The following TRIM31 variants were observed in gnomAD, a reference collection of about 807,000 sequenced individuals.
TRIM31 encodes tripartite motif containing 31.
A neutral mutation model predicts 40.6 loss-of-function variants in TRIM31; 31 were observed. The ratio of observed to expected loss-of-function variants is 0.76; its 90% confidence interval spans 0.57 to 1.03. TRIM31 has a LOEUF of 1.03. TRIM31 is among the 50% of genes least tolerant of loss of function. The probability of loss-of-function intolerance (pLI) is 0.00; values close to 1 mark genes in which losing one functional copy is unlikely to be tolerated. For missense variants in TRIM31, 455 were observed against 497.5 expected, an observed-to-expected ratio of 0.91 and a Z score of 0.81; for synonymous variants, 164 against 193.9, an observed-to-expected ratio of 0.85 and a Z score of 1.28.
rs1392923954 is a variant in TRIM31, at chr6:30,110,604, C to A, written c.588G>T (p.Lys196Asn). The A allele has an allele frequency of 1.2e-6, 2 of 1,614,234 alleles. No individual in the cohort carries two copies. The highest frequency in any genetic ancestry group is 2.2e-5 in the South Asian group (2 of 91,090). The change falls in exon 4 of 9, where the codon AAG becomes AAT. Residue 196 changes from lysine (K) to asparagine (N), a missense_variant. Lys to Asn is a moderately conservative substitution (Grantham distance 94). Coordinates refer to ENST00000376734, the MANE Select transcript of TRIM31 (RefSeq NM_007028.5). ...AGTAAATCCGTGATAGCAGGAAATT[C>A]TTCTCCTCCTCTAGGACTTGATGCA... ...ELLHQVLEEE[K>N]NFLLSRIYWL...
At chr6:30,112,210 G>A (rs976195914) in intron 2 of TRIM31, 179 bp downstream of exon 2, 1 of 649,552 alleles carries the variant, frequency 1.5e-6, no homozygotes, top group African/African-American at 1.8e-5. Flanking sequence ...GATTTAGAGA[G>A]TCAGCAGTTC....
chr6:30,107,780 T>C (rs1018335600), intron 6 of TRIM31: 5 of 365,480 alleles, frequency 1.4e-5, no homozygotes, highest in African/African-American at 1.0e-4. Flanking sequence ...GCCACTGCTC[T>C]AGGCCAGGTG....
intron 5 of TRIM31, chr6:30,108,711 G>A (rs891075077): frequency 5.8e-6 from 3 of 517,938 alleles, no homozygotes; most frequent in African/African-American, 5.7e-5. Context: ...CAGAGAGGAG[G>A]GAAAAAAACA....
chr6:30,112,403 C>A lies in TRIM31; in HGVS notation c.403G>T (p.Ala135Ser). ...CAAATGCCTACCTGATAATTCTGGG[C>A]AGCTTCTTCGATCAAGCTGACATTA... ...SHNVSLIEEA[A>S]QNYQGQIQEQ... is the part of the protein sequence containing the mutation. Residue 135 changes from alanine to serine, a missense_variant, in exon 2 of 9, where the codon GCC becomes TCC. Coordinates refer to ENST00000376734, the MANE Select transcript of TRIM31 (RefSeq NM_007028.5). The A allele has an allele frequency of 6.2e-7, 1 of 1,610,702 alleles. No individual in the cohort carries two copies. Among genetic ancestry groups the A allele is most frequent in the Non-Finnish European group, 8.5e-7 (1 of 1,178,898 alleles).
intron 5 of TRIM31, chr6:30,108,712 G>GA (rs1159682998): frequency 7.7e-6 from 4 of 519,644 alleles, no homozygotes; most frequent in African/African-American, 3.8e-5. Flanking sequence ...AGAGAGGAGG[G>GA]AAAAAAACAG....
chr6:30,108,085 T>A lies in TRIM31; in HGVS notation c.851A>T (p.Asp284Val), dbSNP rs750263089. 6.2e-7 allele frequency: 1 copy of A among 1,609,466 alleles called. No homozygotes were observed. The highest frequency in any genetic ancestry group is 1.1e-5 in the South Asian group (1 of 90,994). Residue 284 changes from aspartate to valine, a missense_variant, in exon 6 of 9, where the codon GAC becomes GTC. Coordinates refer to ENST00000376734, the MANE Select transcript of TRIM31 (RefSeq NM_007028.5). ...TTTTTTTAGGCTCCCTGTGATGGAG[T>A]CATGTCTTGATTTTGCTTCACTGAG... ...KKLSEAKSRH[D>V]SITGSLKKFK...
chr6:30,104,240 C>G, intron 7 of TRIM31, 73 bp from the exon 8 acceptor site: 1 of 1,447,388 alleles, frequency 6.9e-7, no homozygotes, highest in Non-Finnish European at 9.7e-7. Flanking sequence ...AAAACAAGCA[C>G]CCTGCCATCA....
Position 30,103,555 on chromosome 6 carries a change from C to G in TRIM31, c.1259G>C (p.Cys420Ser). 6.2e-7 allele frequency: 1 copy of G among 1,612,776 alleles called. No homozygotes were observed. Among genetic ancestry groups the G allele is most frequent in the Non-Finnish European group, 8.5e-7 (1 of 1,179,844 alleles). Reference sequence around the variant, plus strand: ...GCTGGCTTAGCTTGAAGGAACCTCACAAAACCAAGCCCGGATCGCTGTCAG... The same window carrying G: ...GCTGGCTTAGCTTGAAGGAACCTCAGAAAACCAAGCCCGGATCGCTGTCAG... ...EWLTAIRAWFCEVPSS is the reference protein window; with the variant it reads ...EWLTAIRAWFSEVPSS The change falls in exon 9 of 9, where the codon TGT becomes TCT. Residue 420 changes from cysteine (C) to serine (S), a missense_variant. By Grantham distance (112) the Cys-to-Ser change is moderately radical. Coordinates refer to ENST00000376734, the MANE Select transcript of TRIM31 (RefSeq NM_007028.5).
intron 4 of TRIM31, 122 bp from the exon 5 acceptor site, chr6:30,109,170 C>T: frequency 2.1e-6 from 2 of 949,586 alleles, no homozygotes; most frequent in Non-Finnish European, 3.4e-6. Flanking sequence ...CTCCAAGTCT[C>T]TCTTACCCCA....
rs1373974638 is a variant in TRIM31, at chr6:30,103,808, G to A, written c.1025-19C>T. On this transcript the variant is annotated intron_variant, in intron 8 of 8. Transcript: ENST00000376734. ...CTGCCGCCTTTGCGGGAGAAGGAAAGGAGAAAAGAGGTCAGCGGGAGCACC... is the reference window on the plus strand; with the variant it reads ...CTGCCGCCTTTGCGGGAGAAGGAAAAGAGAAAAGAGGTCAGCGGGAGCACC... The A allele has an allele frequency of 2.5e-6, 4 of 1,612,190 alleles. No homozygotes were observed.
chr6:30,112,678 A>G lies in TRIM31; in HGVS notation c.128T>C (p.Ile43Thr), dbSNP rs770138237. Reference sequence around the variant, plus strand: ...GAAAAATCCACATGATGTTTCCCCAATCTGAGTGATGCATTTGAGGCAGAA... The same window carrying G: ...GAAAAATCCACATGATGTTTCCCCAGTCTGAGTGATGCATTTGAGGCAGAA... Reference protein sequence around the residue: ...HNFCLKCITQIGETSCGFFKC... With the variant: ...HNFCLKCITQTGETSCGFFKC... Residue 43 changes from isoleucine to threonine, a missense_variant, in exon 2 of 9, where the codon ATT becomes ACT. Transcript: ENST00000376734. 9.9e-6 allele frequency: 16 copies of G among 1,613,132 alleles called. No individual in the cohort carries two copies. Among genetic ancestry groups the G allele is most frequent in the East Asian group, 2.2e-5 (1 of 44,888 alleles).
At chr6:30,107,841 G>A (rs1768866571) in intron 6 of TRIM31, 3 of 532,604 alleles carry the variant, frequency 5.6e-6, no homozygotes, top group African/African-American at 3.8e-5. Flanking sequence ...AGGAGTCAGG[G>A]AGGCAGATAA....
chr6:30,111,913 A>G (rs1769371719), intron 2 of TRIM31, 170 bp from the exon 3 acceptor site: 2 of 638,770 alleles, frequency 3.1e-6, no homozygotes, highest in Middle Eastern at 4.3e-4. Context: ...AGAAGGGAGA[A>G]ATCTGGAGCC....
At chr6:30,108,305 T>C (rs1768930588) in intron 5 of TRIM31, 137 bp from the exon 6 acceptor site, 8 of 647,276 alleles carry the variant, frequency 1.2e-5, no homozygotes, top group Non-Finnish European at 2.2e-5. Context: ...ACACCTGTAA[T>C]CCCAGCACTT....
At position 30,105,038 on chromosome 6, in the gene TRIM31, G is replaced by T. The variant is rs190163659; in HGVS notation, c.958+130C>A. On this transcript the variant is annotated intron_variant, in intron 7 of 8. Transcript: ENST00000376734. ...AAAATAATAAAACAACCATATGCCT[G>T]TTCTCTCAATTGGCTGAGGAATCGG... is the stretch of plus-strand genomic sequence containing the variant. 314 of 787,386 alleles carry T rather than the reference G, an allele frequency of 4.0e-4. 6 individuals carry two copies. In the Admixed American group the frequency reaches 7.2e-3, roughly 18 times the overall value. 48.8% of individuals were successfully genotyped at this position (787,386 alleles called of 1,614,324 possible).
chr6:30,108,264 G>C, intron 5 of TRIM31, 96 bp from the exon 6 acceptor site: 224 of 834,934 alleles, frequency 2.7e-4, no homozygotes, highest in Non-Finnish European at 4.1e-4. Context: ...AGGGGATGAA[G>C]ACCTGGGGGT....
At chr6:30,110,770 T>G in intron 3 of TRIM31, 92 bp from the exon 4 acceptor site, 1 of 1,257,820 alleles carries the variant, frequency 8.0e-7, no homozygotes, top group Non-Finnish European at 1.1e-6. Context: ...TAAGTTTGTG[T>G]GGAATTCCCA....
chr6:30,112,892 G>C lies in TRIM31; in HGVS notation c.-83-4C>G. 1.5e-6 allele frequency: 2 copies of C among 1,370,504 alleles called. No homozygotes were observed. The highest frequency in any genetic ancestry group is 3.0e-5 in the South Asian group (2 of 66,094). The allele number at this position is 1,370,504 out of a possible 1,614,324, so 84.9% of individuals were successfully genotyped here. On this transcript the variant is annotated splice_region_variant and splice_polypyrimidine_tract_variant and intron_variant, in intron 1 of 8. Transcript: ENST00000376734. ...GAGTCCACTGTGGATACTGTTTCTA[G>C]GAAGGGAGAAGGGAGTCAGAGAAAG...
chr6:30,110,027 T>TAA (rs9280894), intron 4 of TRIM31, among the ~76,000 whole-genome samples: 32,487 of 117,868 alleles, frequency 0.28, 5,355 homozygotes, highest in Non-Finnish European at 0.35. Context: ...AGACTCAGTG[T>TAA]AAAAAAAAAA....
Sources: gnomAD v4.1 joint callset for allele counts (sites outside exome capture counted in the v4.1 genomes callset) on GRCh38, gnomAD v4.1.1 for gene constraint, MANE v1.5 for transcripts, NCBI Gene and HGNC (gene_info 2026-07-23, HGNC 2026-07-21) for gene names.